Variants in SEMA6D observed in about 807,000 individuals in gnomAD.
The protein encoded by SEMA6D is semaphorin-6D.
In SEMA6D, 35 loss-of-function variants were observed where a neutral mutation model predicts 106.6. That is an observed-to-expected ratio of 0.33 (90% CI 0.25 to 0.44). The LOEUF is 0.44. SEMA6D is among the 20% of genes least tolerant of loss of function. The pLI is 1.00. For missense variants in SEMA6D, 1,185 were observed against 1,345.9 expected (o/e 0.88, Z 1.87); for synonymous variants, 499 against 487.7 (o/e 1.02, Z -0.31).
chr15:47,227,565 TCTCTCA>T (rs1208186029), intron 1 of SEMA6D, among the ~76,000 whole-genome samples: 2 of 85,928 alleles, frequency 2.3e-5, no homozygotes, highest in African/African-American at 7.2e-5. Flanking sequence ...TCTCTCTCTC[TCTCTCA>T]CACACACACA....
intron 1 of SEMA6D, among the ~76,000 whole-genome samples, chr15:47,315,491 A>G (rs2036630822): frequency 6.6e-6 from 1 of 152,084 alleles, no homozygotes; most frequent in Admixed American, 6.6e-5. Flanking sequence ...TGTCTTCATG[A>G]TTGTATCTTT....
chr15:47,196,105 T>C lies in SEMA6D; in HGVS notation c.-239+11687T>C, dbSNP rs150902403. Reference sequence around the variant, plus strand: ...TATTCATCCAGCATAGCCCACACGTTGTAGGTCCACTAGGACTGGAGGGAA... The same window carrying C: ...TATTCATCCAGCATAGCCCACACGTCGTAGGTCCACTAGGACTGGAGGGAA... On this transcript the variant is annotated intron_variant, in intron 1 of 19. Coordinates refer to the SEMA6D transcript ENST00000558014. 9.4e-3 allele frequency among the ~76,000 whole-genome samples: 1,436 copies of C among 151,984 alleles called. 31 individuals carry two copies. Among genetic ancestry groups the C allele is most frequent in the African/African-American group, 0.033 (1,374 of 41,428 alleles).
Position 47,766,007 on chromosome 15 carries a change from A to G in SEMA6D, c.1566A>G (p.Lys522=). The G allele has an allele frequency of 1.2e-6, 2 of 1,602,180 alleles. No individual in the cohort carries two copies. The highest frequency in any genetic ancestry group is 1.7e-6 in the Non-Finnish European group (2 of 1,173,192). The stretch of plus-strand genomic sequence containing the variant: ...GCTGTGAGCGTTATGGATCATGTAA[A>G]AAGTAAGCTCGTGTTTCTTTACTTA... ...LSRCERYGSC[K]KSCIASRDPY... Residue 522 remains lysine (K), a splice_region_variant and synonymous_variant, in exon 14 of 19, where the codon AAA becomes AAG. Transcript: ENST00000536845.
At chr15:47,334,225 A>G (rs553060384) in intron 1 of SEMA6D, among the ~76,000 whole-genome samples, 2 of 152,168 alleles carry the variant, frequency 1.3e-5, no homozygotes, top group Admixed American at 6.5e-5. Context: ...CTTCCCACAT[A>G]GATTGCCCTA....
At chr15:47,620,169 T>C (rs968045571) in intron 4 of SEMA6D, among the ~76,000 whole-genome samples, 2 of 152,228 alleles carry the variant, frequency 1.3e-5, no homozygotes, top group Non-Finnish European at 2.9e-5. Flanking sequence ...CATCTAAGAC[T>C]GCACTCCCTT....
At chr15:47,526,563 A>C (rs1298714389) in intron 3 of SEMA6D, among the ~76,000 whole-genome samples, 2 of 152,168 alleles carry the variant, frequency 1.3e-5, no homozygotes, top group Non-Finnish European at 1.5e-5. Context: ...AATGCCTGCT[A>C]GAACGTGCAT....
intron 1 of SEMA6D, among the ~76,000 whole-genome samples, 152 bp downstream of exon 1, chr15:47,717,844 G>A (rs1171738048): frequency 2.1e-5 from 2 of 96,422 alleles, no homozygotes; most frequent in East Asian, 5.9e-4. Context: ...GTGTGTGTGT[G>A]TGTGTGTGTG....
chr15:47,360,547 TAGA>T (rs1412152530), intron 1 of SEMA6D, among the ~76,000 whole-genome samples: 1 of 152,344 alleles, frequency 6.6e-6, no homozygotes, highest in South Asian at 2.1e-4. Flanking sequence ...ACCACTATTG[TAGA>T]AGGACAGTGC....
intron 3 of SEMA6D, among the ~76,000 whole-genome samples, chr15:47,488,701 A>G (rs1281143881): frequency 6.6e-6 from 1 of 152,146 alleles, no homozygotes; most frequent in Non-Finnish European, 1.5e-5. Context: ...CATCTGTGGC[A>G]GAGGAAACAA....
chr15:47,328,409 TG>T (rs1313603960), intron 1 of SEMA6D, among the ~76,000 whole-genome samples: 6 of 152,216 alleles, frequency 3.9e-5, no homozygotes, highest in Admixed American at 6.5e-5. Flanking sequence ...ATAATTATGC[TG>T]TTGGGCAGTT....
chr15:47,327,528 G>A lies in SEMA6D; in HGVS notation c.-238-84865G>A, dbSNP rs2037177993. Reference sequence around the variant, plus strand: ...AAATATTTTAAAGGTATGTTAGTAGGAAGCTTATCTTTGTATTTACCATAC... The same window carrying A: ...AAATATTTTAAAGGTATGTTAGTAGAAAGCTTATCTTTGTATTTACCATAC... On this transcript the variant is annotated intron_variant, in intron 1 of 19. Transcript: ENST00000558014. Among the ~76,000 whole-genome samples the A allele has an allele frequency of 3.9e-5, 6 of 152,158 alleles. 1 individual carries two copies. In the South Asian group the frequency reaches 1.0e-3, roughly 26 times the overall value.
At chr15:47,241,949 A>G (rs1183857635) in intron 1 of SEMA6D, among the ~76,000 whole-genome samples, 1 of 152,132 alleles carries the variant, frequency 6.6e-6, no homozygotes, top group Non-Finnish European at 1.5e-5. Flanking sequence ...AGGATTACCC[A>G]ATCTGTACAA....
At chr15:47,735,676 G>A (rs1797736617) in intron 1 of SEMA6D, among the ~76,000 whole-genome samples, 1 of 152,188 alleles carries the variant, frequency 6.6e-6, no homozygotes, top group African/African-American at 2.4e-5. Flanking sequence ...ACAAGAGAAT[G>A]TGATGCTCAG....
At chr15:47,196,717 G>T (rs918461486) in intron 1 of SEMA6D, among the ~76,000 whole-genome samples, 1 of 152,188 alleles carries the variant, frequency 6.6e-6, no homozygotes. Flanking sequence ...CATATTGTAA[G>T]CTGAGGTATT....
At chr15:47,496,848 T>G (rs979644959) in intron 3 of SEMA6D, among the ~76,000 whole-genome samples, 1 of 152,016 alleles carries the variant, frequency 6.6e-6, no homozygotes, top group African/African-American at 2.4e-5. Context: ...AATTTTTGGA[T>G]GCATTGACGT....
intron 4 of SEMA6D, among the ~76,000 whole-genome samples, chr15:47,611,334 T>G (rs2076901184): frequency 6.6e-6 from 1 of 152,172 alleles, no homozygotes; most frequent in Non-Finnish European, 1.5e-5. Flanking sequence ...AATAAATGAT[T>G]TAGTTATGAC....
chr15:47,338,483 T>C (rs924750553), intron 1 of SEMA6D, among the ~76,000 whole-genome samples: 6 of 152,204 alleles, frequency 3.9e-5, no homozygotes, highest in Admixed American at 2.6e-4. Flanking sequence ...CTCATGTACC[T>C]CATAAATGTA....
At chr15:47,598,914 C>T (rs547409179) in intron 3 of SEMA6D, among the ~76,000 whole-genome samples, 7 of 152,120 alleles carry the variant, frequency 4.6e-5, no homozygotes, top group Middle Eastern at 3.4e-3. Flanking sequence ...GATGAGATAG[C>T]GACTTAAAAC....
At chr15:47,567,843 TAGTG>T (rs2046271933) in intron 3 of SEMA6D, among the ~76,000 whole-genome samples, 1 of 152,148 alleles carries the variant, frequency 6.6e-6, no homozygotes, top group Non-Finnish European at 1.5e-5. Flanking sequence ...ACAAATGAAT[TAGTG>T]AAAGAATGAA....
Sources: allele counts gnomAD v4.1 joint callset (sites outside exome capture counted in the v4.1 genomes callset), GRCh38; gene constraint gnomAD v4.1.1; transcripts MANE v1.5; gene names NCBI Gene and HGNC (gene_info 2026-07-23, HGNC 2026-07-21).